F8: variants seen among roughly 807,000 people sequenced by gnomAD.
The protein encoded by F8 is coagulation factor VIII, also known as antihemophilic factor.
F8 carries 12 observed loss-of-function variants against 140.6 expected under a neutral mutation model. That is an observed-to-expected ratio of 0.09 (90% CI 0.05 to 0.14). The LOEUF is 0.14. Ranked by LOEUF, F8 falls within the 10% of genes least tolerant of loss-of-function variation. The probability of loss-of-function intolerance (pLI) is 1.00; values close to 1 mark genes in which losing one functional copy is unlikely to be tolerated. For synonymous variants in F8, 585 were observed against 614.6 expected, an observed-to-expected ratio of 0.95 and a Z score of 0.71; for missense variants, 1,354 against 1,720.7, an observed-to-expected ratio of 0.79 and a Z score of 3.77.
chrX:154,867,634 G>A (rs782560354), intron 22 of F8, among the ~76,000 whole-genome samples: 1 of 97,860 alleles, frequency 1.0e-5, no homozygotes, highest in Admixed American at 1.2e-4. Context: ...GTTGTAGTGA[G>A]CCAAGATCAT....
rs187964202 is a variant in F8 at position 154,912,139 on chromosome X, T to C, written c.5220-5566A>G. ...TATAGTTTGCAAATATTTCATCCCA[T>C]CCTGTAGGTTGTCCCTTCACTTTGT... On this transcript the variant is annotated intron_variant, in intron 14 of 25. Transcript: ENST00000360256. Among the ~76,000 whole-genome samples, 10 of 112,370 alleles carry C rather than the reference T, an allele frequency of 8.9e-5. No homozygotes were observed. The Admixed American group carries it at 9.4e-4, about 11-fold the overall frequency.
chrX:154,976,764 T>C (rs1353630914), intron 6 of F8, among the ~76,000 whole-genome samples: 1 of 111,998 alleles, frequency 8.9e-6, no homozygotes, highest in Non-Finnish European at 1.9e-5. Context: ...GATGAGTTCA[T>C]GTCCTTTGTA....
rs781925736 is a variant in F8 at position 154,837,561 on chromosome X, A to C, written c.*36T>G. 4 of 1,182,906 alleles carry C rather than the reference A, an allele frequency of 3.4e-6. No individual in the cohort carries two copies. In the South Asian group the frequency reaches 5.6e-5, roughly 16 times the overall value. On this transcript the variant is annotated 3_prime_UTR_variant, in exon 26 of 26. Coordinates refer to ENST00000360256, the MANE Select transcript of F8 (RefSeq NM_000132.4). ...CACTGCCCTGGAGCTGAGGAGGGAG[A>C]GGTGACGGCAGTGGCAGGTGCTGCA...
intron 21 of F8, chrX:154,898,209 C>T (rs1175277414): frequency 9.0e-6 from 1 of 111,683 alleles, no homozygotes; most frequent in Non-Finnish European, 1.9e-5. Context: ...ACTCTTCAGG[C>T]CTTCTCACGA....
At chrX:155,012,823 T>G (rs1348703395) in intron 1 of F8, among the ~76,000 whole-genome samples, 2 of 110,428 alleles carry the variant, frequency 1.8e-5, no homozygotes, top group African/African-American at 3.3e-5. Flanking sequence ...TTTCATTAAA[T>G]AGAAGAGTGA....
rs987502018 is a variant in F8, at chrX:154,948,961, C to T, written c.1904-1054G>A. 9.0e-5 allele frequency among the ~76,000 whole-genome samples: 10 copies of T among 111,021 alleles called. No homozygotes were observed. In the South Asian group the frequency reaches 1.5e-3, roughly 17 times the overall value. ...AGTCCAGAAACTGACAAGATGTAAG[C>T]GGAAACTTAATATATAATAAGTTGA... is the stretch of plus-strand genomic sequence containing the variant. On this transcript the variant is annotated intron_variant, in intron 12 of 25. Transcript: ENST00000360256.
At chrX:155,009,603 G>C (rs1381393380) in intron 1 of F8, among the ~76,000 whole-genome samples, 1 of 110,032 alleles carries the variant, frequency 9.1e-6, no homozygotes, top group Non-Finnish European at 1.9e-5. Flanking sequence ...GGCGTGGTGG[G>C]GCATGCCTGT....
Position 154,969,407 on chromosome X carries a change from A to G in F8, c.933T>C (p.Thr311=). 1 of 1,211,790 alleles carries G rather than the reference A, an allele frequency of 8.3e-7. No homozygotes were observed. Among genetic ancestry groups the G allele is most frequent in the Non-Finnish European group, 1.1e-6 (1 of 895,409 alleles). Residue 311 remains threonine, a synonymous_variant, in exon 7 of 26, where the codon ACT becomes ACC. Coordinates refer to ENST00000360256, the MANE Select transcript of F8 (RefSeq NM_000132.4). ...TCAAGAGTGTTTGAGCAGTAAGGAA[A>G]GTTATTGGCGAGATTTCCAAGGACG... ...RQASLEISPI[T]FLTAQTLLMD... is the part of the protein sequence containing the mutation.
At chrX:154,923,180 A>AGTG (rs1314208614) in intron 14 of F8, among the ~76,000 whole-genome samples, 1 of 111,813 alleles carries the variant, frequency 8.9e-6, no homozygotes, top group East Asian at 2.8e-4. Context: ...TTACAGAAGC[A>AGTG]GTGCATATGC....
At position 154,931,685 on chromosome X, in the gene F8, G is replaced by A. The variant is rs782360380; in HGVS notation, c.2114-9C>T. 3.4e-6 allele frequency: 4 copies of A among 1,193,053 alleles called. No homozygotes were observed. In the Admixed American group the frequency reaches 6.5e-5, roughly 19 times the overall value. On this transcript the variant is annotated splice_polypyrimidine_tract_variant and intron_variant, in intron 13 of 25. Transcript: ENST00000360256. ...CCCCAGAATCCATAGACCTGGAGAT[G>A]AGGAAGAATAAGACTCTGGTTACTC...
At chrX:154,980,136 T>A (rs1454704703) in intron 6 of F8, among the ~76,000 whole-genome samples, 3 of 111,495 alleles carry the variant, frequency 2.7e-5, no homozygotes, top group Non-Finnish European at 3.8e-5. Flanking sequence ...ATTCAAAGTA[T>A]AATTATCTAC....
chrX:154,872,657 C>T (rs1007484300), intron 22 of F8, among the ~76,000 whole-genome samples: 2 of 111,194 alleles, frequency 1.8e-5, no homozygotes, highest in African/African-American at 6.5e-5. Flanking sequence ...TGTAACAAAA[C>T]TGCATGTTCT....
At position 154,947,814 on chromosome X, in the gene F8, T is replaced by G; in HGVS notation, c.1997A>C (p.Asp666Ala). ...TCCAGAGAAGAAGACAGAAAGGAAG[T>G]CAGTCTGTGCTCCAATGCTTAGAAT... is the stretch of plus-strand genomic sequence containing the variant. ...WYILSIGAQTDFLSVFFSGYT... is the reference protein window; with the variant it reads ...WYILSIGAQTAFLSVFFSGYT... Residue 666 changes from aspartate to alanine, a missense_variant, in exon 13 of 26, where the codon GAC becomes GCC. Asp to Ala is a moderately radical substitution (Grantham distance 126). This residue lies in a region of F8 where 252 missense variants were observed against 338.5 expected (regional missense o/e 0.74). Transcript: ENST00000360256. The G allele has an allele frequency of 8.3e-7, 1 of 1,209,603 alleles. No individual in the cohort carries two copies. The highest frequency in any genetic ancestry group is 1.1e-6 in the Non-Finnish European group (1 of 893,635).
intron 14 of F8, among the ~76,000 whole-genome samples, chrX:154,908,344 AG>A (rs2073048771): frequency 8.9e-6 from 1 of 112,427 alleles, no homozygotes; most frequent in Non-Finnish European, 1.9e-5. Context: ...TAATTATTAT[AG>A]CTTTAAAATA....
intron 22 of F8, 51 bp downstream of exon 22, chrX:154,896,026 C>A: frequency 8.7e-7 from 1 of 1,154,645 alleles, no homozygotes; most frequent in African/African-American, 1.8e-5. Context: ...TGAAATCTGC[C>A]AAAATTCTTT....
At chrX:154,963,753 C>T (rs1557281767) in intron 9 of F8, among the ~76,000 whole-genome samples, 1 of 111,463 alleles carries the variant, frequency 9.0e-6, no homozygotes, top group African/African-American at 3.3e-5. Flanking sequence ...GTGTAGGATT[C>T]AGCATGGTAT....
At chrX:154,954,920 A>G (rs1005830543) in intron 11 of F8, among the ~76,000 whole-genome samples, 4 of 111,343 alleles carry the variant, frequency 3.6e-5, no homozygotes, top group African/African-American at 1.3e-4. Context: ...AACATATGAA[A>G]TGTTTTCAGA....
At chrX:154,955,870 AG>A (rs782285674) in intron 11 of F8, among the ~76,000 whole-genome samples, 1 of 112,054 alleles carries the variant, frequency 8.9e-6, no homozygotes, top group East Asian at 2.8e-4. Flanking sequence ...ACATCTTAAC[AG>A]GAAACAGGGT....
chrX:154,950,556 T>G (rs1407148306), intron 12 of F8, among the ~76,000 whole-genome samples: 4 of 112,281 alleles, frequency 3.6e-5, no homozygotes, highest in African/African-American at 1.3e-4. Context: ...TAAATTTATT[T>G]TTTAATTGAC....
Sources: allele counts gnomAD v4.1 joint callset (sites outside exome capture counted in the v4.1 genomes callset), GRCh38; gene constraint gnomAD v4.1.1; regional missense constraint gnomAD v4.1.1; transcripts MANE v1.5; gene names NCBI Gene and HGNC (gene_info 2026-07-23, HGNC 2026-07-21).